Variants in NEK7 observed in about 807,000 individuals in gnomAD.
The protein encoded by NEK7 is NIMA related kinase 7.
In NEK7, 18 loss-of-function variants were observed where a neutral mutation model predicts 44.6. The ratio of observed to expected loss-of-function variants is 0.40; its 90% CI spans 0.28 to 0.60. The LOEUF is 0.60. Among genes scored for constraint, NEK7 ranks in the 20% least tolerant of loss-of-function variants. NEK7 has a pLI of 0.38. For synonymous variants in NEK7, 130 were observed against 121.1 expected (o/e 1.07, Z -0.48); for missense variants, 256 against 366.5 (o/e 0.70, Z 2.46).
chr1:198,189,375 G>T (rs558835716), intron 1 of NEK7, among the ~76,000 whole-genome samples: 1 of 152,156 alleles, frequency 6.6e-6, no homozygotes, highest in East Asian at 1.9e-4. Context: ...TGCATCTTTC[G>T]AGTTAAAAGA....
At chr1:198,222,615 T>C (rs1291119111) in intron 1 of NEK7, among the ~76,000 whole-genome samples, 2 of 152,112 alleles carry the variant, frequency 1.3e-5, no homozygotes, top group Non-Finnish European at 2.9e-5. Context: ...CAGTCACAAG[T>C]CCTAAAAGTC....
rs566793709 is a variant in NEK7 at position 198,177,423 on chromosome 1, A to C, written c.-29+20147A>C. ...GGCATACACAGCCAAATTATTGTTC[A>C]TGTATGATGGCAATAGAATTACTTT... is the stretch of plus-strand genomic sequence containing the variant. On this transcript the variant is annotated intron_variant, in intron 1 of 9. Transcript: ENST00000367385. Among the ~76,000 whole-genome samples the C allele has an allele frequency of 9.8e-5, 15 of 152,290 alleles. No individual in the cohort carries two copies. In the South Asian group the frequency reaches 3.1e-3, roughly 32 times the overall value.
At chr1:198,188,483 C>T (rs59507004) in intron 1 of NEK7, among the ~76,000 whole-genome samples, 22,598 of 151,870 alleles carry the variant, frequency 0.15, 1,854 homozygotes, top group East Asian at 0.22. Context: ...ACTAAGGGCT[C>T]AGTACTTTTT....
chr1:198,200,552 C>CTTT (rs531448626), intron 1 of NEK7, among the ~76,000 whole-genome samples: 1 of 131,364 alleles, frequency 7.6e-6, no homozygotes, highest in Non-Finnish European at 1.6e-5. Context: ...TTCTTTCTTT[C>CTTT]TTTTTTTTTT....
At chr1:198,306,163 A>G (rs561849861) in intron 9 of NEK7, among the ~76,000 whole-genome samples, 3 of 152,292 alleles carry the variant, frequency 2.0e-5, no homozygotes, top group Admixed American at 6.5e-5. Context: ...TGTAAAATGC[A>G]TAGAGTCGTT....
chr1:198,164,741 G>C (rs1018903715), intron 1 of NEK7, among the ~76,000 whole-genome samples: 2 of 152,154 alleles, frequency 1.3e-5, no homozygotes, highest in African/African-American at 2.4e-5. Flanking sequence ...TTACGGTGAC[G>C]GTCACTGAAG....
intron 1 of NEK7, among the ~76,000 whole-genome samples, chr1:198,168,677 A>G (rs927789743): frequency 6.6e-6 from 1 of 152,126 alleles, no homozygotes; most frequent in Non-Finnish European, 1.5e-5. Flanking sequence ...CATTCCCTTT[A>G]TAGTTCATCT....
chr1:198,289,648 G>A (rs1054040510), intron 7 of NEK7, among the ~76,000 whole-genome samples: 3 of 152,102 alleles, frequency 2.0e-5, no homozygotes, highest in Admixed American at 6.5e-5. Context: ...TGCTTCAGTC[G>A]TTGTTTTCTT....
At chr1:198,207,029 A>G (rs902781774) in intron 1 of NEK7, 2 of 152,202 alleles carry the variant, frequency 1.3e-5, no homozygotes, top group Non-Finnish European at 2.9e-5. Flanking sequence ...CAAAGAATTG[A>G]AAGGTTCATT....
At chr1:198,316,801 A>C (rs1340681321) in intron 9 of NEK7, among the ~76,000 whole-genome samples, 1 of 152,252 alleles carries the variant, frequency 6.6e-6, no homozygotes, top group African/African-American at 2.4e-5. Context: ...GAACGGATGA[A>C]AATGGAAGAG....
chr1:198,203,597 C>T (rs1171706210), intron 1 of NEK7, among the ~76,000 whole-genome samples: 1 of 152,202 alleles, frequency 6.6e-6, no homozygotes, highest in African/African-American at 2.4e-5. Context: ...GACAATCTTA[C>T]TGAATTTTGG....
chr1:198,302,517 G>A (rs2103022047), intron 9 of NEK7, among the ~76,000 whole-genome samples: 1 of 152,056 alleles, frequency 6.6e-6, no homozygotes, highest in South Asian at 2.1e-4. Context: ...GTTGAAACAA[G>A]AAAAGTCTTG....
chr1:198,267,395 AAAATT>A (rs952430762), intron 5 of NEK7, among the ~76,000 whole-genome samples: 30 of 152,210 alleles, frequency 2.0e-4, no homozygotes, highest in African/African-American at 7.0e-4. Flanking sequence ...TCAATTGAGA[AAAATT>A]AAATAAGGAG....
chr1:198,180,273 T>C (rs757034601), intron 1 of NEK7, among the ~76,000 whole-genome samples: 2 of 151,006 alleles, frequency 1.3e-5, no homozygotes, highest in Non-Finnish European at 3.0e-5. Context: ...ATAGAGAAAA[T>C]TAATCAATAA....
intron 1 of NEK7, among the ~76,000 whole-genome samples, chr1:198,157,551 A>G (rs1383284385): frequency 1.3e-5 from 2 of 152,190 alleles, no homozygotes; most frequent in Non-Finnish European, 2.9e-5. Flanking sequence ...GCGGTAACTA[A>G]GAAACTCCGT....
At chr1:198,305,096 CCA>C (rs1654987290) in intron 9 of NEK7, among the ~76,000 whole-genome samples, 1 of 109,648 alleles carries the variant, frequency 9.1e-6, no homozygotes, top group Admixed American at 1.1e-4. Flanking sequence ...ATAACATAAA[CCA>C]TGAAATGCTT....
intron 7 of NEK7, among the ~76,000 whole-genome samples, chr1:198,286,283 C>T (rs751218238): frequency 2.6e-5 from 4 of 152,046 alleles, no homozygotes; most frequent in Non-Finnish European, 5.9e-5. Context: ...TACAAAGGAC[C>T]ATAATTTAAA....
At chr1:198,200,625 ACTGCAACCT>A (rs946753165) in intron 1 of NEK7, among the ~76,000 whole-genome samples, 2 of 151,416 alleles carry the variant, frequency 1.3e-5, no homozygotes, top group Non-Finnish European at 2.9e-5. Context: ...ATCTTGGCTA[ACTGCAACCT>A]CTGCCACCTG....
At chr1:198,171,818 C>G (rs1664453416) in intron 1 of NEK7, among the ~76,000 whole-genome samples, 1 of 152,162 alleles carries the variant, frequency 6.6e-6, no homozygotes, top group Admixed American at 6.5e-5. Context: ...ACCTCTTCTC[C>G]TTTGCCTGGT....
Sources: allele counts gnomAD v4.1 joint callset (sites outside exome capture counted in the v4.1 genomes callset), GRCh38; gene constraint gnomAD v4.1.1; transcripts MANE v1.5; gene names NCBI Gene and HGNC (gene_info 2026-07-23, HGNC 2026-07-21).